Variants in OR8K3 observed in about 807,000 individuals in gnomAD.
OR8K3 encodes the protein olfactory receptor family 8 subfamily K member 3 (gene/pseudogene), also known as olfactory receptor 8K3.
For missense variants in OR8K3, 448 were observed against 367.4 expected, an observed-to-expected ratio of 1.22 and a Z score of -1.79; for synonymous variants, 167 against 138.8, an observed-to-expected ratio of 1.20 and a Z score of -1.43.
Position 56,319,122 on chromosome 11 carries a change from G to A in OR8K3, c.816G>A (p.Val272=). The A allele has an allele frequency of 1.2e-6, 2 of 1,613,758 alleles. No homozygotes were observed. The highest frequency in any genetic ancestry group is 1.7e-6 in the Non-Finnish European group (2 of 1,179,776). ...KSSHSFDTDK[V]ASIFYTLVIP... ...GTCATTCCTTTGACACTGATAAAGT[G>A]GCTTCCATATTTTACACCCTGGTTA... The change falls in exon 3 of 3, where the codon GTG becomes GTA. Residue 272 remains valine (V), a synonymous_variant. Coordinates refer to ENST00000641662, the MANE Select transcript of OR8K3 (RefSeq NM_001005202.2).
Position 56,319,069 on chromosome 11 carries a change from C to T in OR8K3, c.763C>T (p.Leu255Phe). ...GGTCATAGTGTTCTATGGGACTTTG[C>T]TTTTCATGTACGTGCAGCCCAAGTC... ...TVVIVFYGTL[L>F]FMYVQPKSSH... The change falls in exon 3 of 3, where the codon CTT becomes TTT. Residue 255 changes from leucine (L) to phenylalanine (F), a missense_variant. Physicochemically the swap from Leu to Phe is conservative, Grantham distance 22 (BLOSUM62 0). Coordinates refer to ENST00000641662, the MANE Select transcript of OR8K3 (RefSeq NM_001005202.2). 1.2e-6 allele frequency: 2 copies of T among 1,614,072 alleles called. No homozygotes were observed. Among genetic ancestry groups the T allele is most frequent in the Non-Finnish European group, 1.7e-6 (2 of 1,179,988 alleles).
chr11:56,319,042 G>T lies in OR8K3; in HGVS notation c.736G>T (p.Val246Leu), dbSNP rs748245804. The T allele has an allele frequency of 6.2e-7, 1 of 1,614,116 alleles. No homozygotes were observed. Among genetic ancestry groups the T allele is most frequent in the Non-Finnish European group, 8.5e-7 (1 of 1,180,006 alleles). Reference sequence around the variant, plus strand: ...TTCTACCTGTGGAGCCCACCTGACAGTGGTCATAGTGTTCTATGGGACTTT... The same window carrying T: ...TTCTACCTGTGGAGCCCACCTGACATTGGTCATAGTGTTCTATGGGACTTT... ...AFSTCGAHLT[V>L]VIVFYGTLLF... The change falls in exon 3 of 3, where the codon GTG becomes TTG. Residue 246 changes from valine to leucine, a missense_variant. Physicochemically the swap from Val to Leu is conservative, Grantham distance 32. Transcript: ENST00000641662.
intron 2 of OR8K3, among the ~76,000 whole-genome samples, chr11:56,317,734 ACG>A (rs1270208174): frequency 6.6e-6 from 1 of 152,102 alleles, no homozygotes; most frequent in Non-Finnish European, 1.5e-5. Context: ...TCAGATATCC[ACG>A]GTATTAACAA....
rs909118040 is a variant in OR8K3 at position 56,319,976 on chromosome 11, C to T, written c.*731C>T. On this transcript the variant is annotated 3_prime_UTR_variant, in exon 3 of 3. Transcript: ENST00000641662. Reference sequence around the variant, plus strand: ...ATCAATTATGCTTAAGTTTAGAAGACATCCATAGAAATTCTCAGGTTTATT... The same window carrying T: ...ATCAATTATGCTTAAGTTTAGAAGATATCCATAGAAATTCTCAGGTTTATT... The T allele has an allele frequency of 6.6e-6, 1 of 152,138 alleles. No homozygotes were observed. Among genetic ancestry groups the T allele is most frequent in the Non-Finnish European group, 1.5e-5 (1 of 68,014 alleles). The allele number at this position is 152,138 out of a possible 1,614,324, so 9.4% of individuals were successfully genotyped here. A position where few individuals can be genotyped will look rare whatever the true frequency, so the allele number is the denominator to read the frequency against.
rs117366703 is a variant in OR8K3, at chr11:56,319,084, C to A, written c.778C>A (p.Gln260Lys). Reference protein sequence around the residue: ...FYGTLLFMYVQPKSSHSFDTD... With the variant: ...FYGTLLFMYVKPKSSHSFDTD... ...TGGGACTTTGCTTTTCATGTACGTG[C>A]AGCCCAAGTCCAGTCATTCCTTTGA... Residue 260 changes from glutamine to lysine, a missense_variant, in exon 3 of 3, where the codon CAG (glutamine) becomes AAG (lysine). Gln to Lys is a moderately conservative substitution (Grantham distance 53, BLOSUM62 1). Coordinates refer to ENST00000641662, the MANE Select transcript of OR8K3 (RefSeq NM_001005202.2). 1 of 1,614,040 alleles carries A rather than the reference C, an allele frequency of 6.2e-7. No individual in the cohort carries two copies.
At chr11:56,317,135 T>C (rs1871846) in intron 2 of OR8K3, among the ~76,000 whole-genome samples, 107,564 of 151,742 alleles carry the variant, frequency 0.71, 38,459 homozygotes, top group East Asian at 0.87. Flanking sequence ...AGTTAATTCA[T>C]AGTCAGAATA....
At position 56,318,599 on chromosome 11, in the gene OR8K3, C is replaced by G. The variant is rs1194144415; in HGVS notation, c.293C>G (p.Ala98Gly). Residue 98 changes from alanine (A) to glycine (G), a missense_variant, in exon 3 of 3, where the codon GCA becomes GGA. Transcript: ENST00000641662. ...DKNIISYYFCATQLAFFLVFI... is the reference protein window; with the variant it reads ...DKNIISYYFCGTQLAFFLVFI... ...AATATAATTTCTTATTATTTTTGTG[C>G]AACACAGCTAGCTTTCTTTCTTGTG... The G allele has an allele frequency of 1.2e-6, 2 of 1,613,646 alleles. No individual in the cohort carries two copies. The highest frequency in any genetic ancestry group is 4.5e-5 in the East Asian group (2 of 44,878).
At chr11:56,318,148 T>A in intron 2 of OR8K3, 136 bp from the exon 3 acceptor site, 1 of 545,008 alleles carries the variant, frequency 1.8e-6, no homozygotes, top group Non-Finnish European at 3.2e-6. Context: ...TTAAACATGT[T>A]TTTATTTGTG....
rs551664041 is a variant in OR8K3, at chr11:56,320,240, T to G, written c.*995T>G. 7.9e-5 allele frequency: 12 copies of G among 152,304 alleles called. No individual in the cohort carries two copies. The East Asian group carries it at 1.9e-3, about 24-fold the overall frequency. 9.4% of individuals were successfully genotyped at this position (152,304 alleles called of 1,614,324 possible). ...CTATATTTTCATTTACTTCACTGTT[T>G]GATTGCATCAGTTGATTTTTCTACT... On this transcript the variant is annotated 3_prime_UTR_variant, in exon 3 of 3. Coordinates refer to ENST00000641662, the MANE Select transcript of OR8K3 (RefSeq NM_001005202.2).
chr11:56,317,377 C>T (rs1361598078), intron 2 of OR8K3, among the ~76,000 whole-genome samples: 2 of 151,998 alleles, frequency 1.3e-5, no homozygotes, highest in East Asian at 1.9e-4. Flanking sequence ...CACTATTTGC[C>T]TAAAATAACC....
rs756796372 is a variant in OR8K3, at chr11:56,319,005, A to G, written c.699A>G (p.Arg233=). 1.2e-6 allele frequency: 2 copies of G among 1,614,184 alleles called. No homozygotes were observed. Among genetic ancestry groups the G allele is most frequent in the Non-Finnish European group, 1.7e-6 (2 of 1,180,014 alleles). ...TTCTCAGGATGAATTCTGCTGGCAGACAAAAGGCTTTTTCTACCTGTGGAG... is the reference window on the plus strand; with the variant it reads ...TTCTCAGGATGAATTCTGCTGGCAGGCAAAAGGCTTTTTCTACCTGTGGAG... ...VAILRMNSAG[R]QKAFSTCGAH... Residue 233 remains arginine, a synonymous_variant, in exon 3 of 3, where the codon AGA becomes AGG. Transcript: ENST00000641662.
In OR8K3 at chr11:56,318,268, C is replaced by A. The variant is rs753083061; in HGVS notation, c.-23-16C>A. ...TGATAGAGGAAAGCTATTGACAATGCCGATGTCTCTATCAGAATAGGTTTT... is the reference window on the plus strand; with the variant it reads ...TGATAGAGGAAAGCTATTGACAATGACGATGTCTCTATCAGAATAGGTTTT... On this transcript the variant is annotated splice_polypyrimidine_tract_variant and intron_variant, in intron 2 of 2. Transcript: ENST00000641662. The A allele has an allele frequency of 7.0e-6, 10 of 1,434,672 alleles. No homozygotes were observed. The East Asian group carries it at 1.8e-4, about 26-fold the overall frequency. The allele number at this position is 1,434,672 out of a possible 1,614,324, so 88.9% of individuals were successfully genotyped here. A position where few individuals can be genotyped will look rare whatever the true frequency, so the allele number is the denominator to read the frequency against.
At chr11:56,315,854 T>C (rs1854436385) in intron 1 of OR8K3, 146 bp from the exon 2 acceptor site, 2 of 151,862 alleles carry the variant, frequency 1.3e-5, no homozygotes, top group African/African-American at 4.8e-5. Context: ...TAGGGAACAA[T>C]ACAATTTTCA....
Position 56,318,403 on chromosome 11 carries a change from A to C in OR8K3, c.97A>C (p.Met33Leu). ...GGCACCATTATTTGCATTGTTCCTCATGATCTATGTGATCTCAGTGATGGG... is the reference window on the plus strand; with the variant it reads ...GGCACCATTATTTGCATTGTTCCTCCTGATCTATGTGATCTCAGTGATGGG... ...LQAPLFALFLMIYVISVMGNL... is the reference protein window; with the variant it reads ...LQAPLFALFLLIYVISVMGNL... Residue 33 changes from methionine to leucine, a missense_variant, in exon 3 of 3, where the codon ATG (methionine) becomes CTG (leucine). Met to Leu is a conservative substitution (Grantham distance 15, BLOSUM62 2). Coordinates refer to ENST00000641662, the MANE Select transcript of OR8K3 (RefSeq NM_001005202.2). 6.2e-7 allele frequency: 1 copy of C among 1,613,924 alleles called. No individual in the cohort carries two copies. The highest frequency in any genetic ancestry group is 2.2e-5 in the East Asian group (1 of 44,874).
chr11:56,318,261 G>A, intron 2 of OR8K3, 23 bp from the exon 3 acceptor site: 1 of 1,371,094 alleles, frequency 7.3e-7, no homozygotes, highest in East Asian at 2.3e-5. Context: ...GAAAGCTATT[G>A]ACAATGCCGA....
At chr11:56,316,552 T>C (rs1854445868) in intron 2 of OR8K3, among the ~76,000 whole-genome samples, 2 of 152,152 alleles carry the variant, frequency 1.3e-5, no homozygotes, top group East Asian at 3.9e-4. Context: ...ATTATACATA[T>C]GTTAATTTGT....
rs191571651 is a variant in OR8K3, at chr11:56,318,778, C to A, written c.472C>A (p.Leu158Ile). 1 of 1,613,912 alleles carries A rather than the reference C, an allele frequency of 6.2e-7. No homozygotes were observed. Among genetic ancestry groups the A allele is most frequent in the East Asian group, 2.2e-5 (1 of 44,864 alleles). The change falls in exon 3 of 3, where the codon CTA becomes ATA. Residue 158 changes from leucine to isoleucine, a missense_variant. Transcript: ENST00000641662. ...CCTCTATTGCACATTCATTTCTCTTCTAGTCACCATAAAGATTTTTACTTT... is the reference window on the plus strand; with the variant it reads ...CCTCTATTGCACATTCATTTCTCTTATAGTCACCATAAAGATTTTTACTTT... The part of the protein sequence containing the change: ...PYLYCTFISL[L>I]VTIKIFTLSF...
In OR8K3 at chr11:56,318,941, T is replaced by C. The variant is rs1187120152; in HGVS notation, c.635T>C (p.Leu212Pro). ...GCTATTGATTTGATTTCATCTCTTC[T>C]GATAGTTCTTTTATCTTACCTGCTC... ...FAAIDLISSL[L>P]IVLLSYLLIL... is the part of the protein sequence containing the mutation. Residue 212 changes from leucine (L) to proline (P), a missense_variant, in exon 3 of 3, where the codon CTG (leucine) becomes CCG (proline). Leu to Pro is a moderately conservative substitution (Grantham distance 98). Transcript: ENST00000641662. 1.2e-6 allele frequency: 2 copies of C among 1,614,166 alleles called. No individual in the cohort carries two copies. The highest frequency in any genetic ancestry group is 1.7e-6 in the Non-Finnish European group (2 of 1,180,008).
chr11:56,318,768 C>T lies in OR8K3; in HGVS notation c.462C>T (p.Phe154=). 1 of 1,613,858 alleles carries T rather than the reference C, an allele frequency of 6.2e-7. No individual in the cohort carries two copies. Reference sequence around the variant, plus strand: ...CAATCCCTTACCTCTATTGCACATTCATTTCTCTTCTAGTCACCATAAAGA... The same window carrying T: ...CAATCCCTTACCTCTATTGCACATTTATTTCTCTTCTAGTCACCATAAAGA... ...LVAIPYLYCT[F]ISLLVTIKIF... The change falls in exon 3 of 3, where the codon TTC becomes TTT. Residue 154 remains phenylalanine, a synonymous_variant. Transcript: ENST00000641662.
Sources: allele counts gnomAD v4.1 joint callset (sites outside exome capture counted in the v4.1 genomes callset), GRCh38; gene constraint gnomAD v4.1.1; transcripts MANE v1.5; gene names NCBI Gene and HGNC (gene_info 2026-07-23, HGNC 2026-07-21).